Variants in LOXL2 observed in about 807,000 individuals in gnomAD.
LOXL2 encodes the protein lysyl oxidase homolog 2.
In LOXL2, 70 loss-of-function variants were observed where a neutral mutation model predicts 93.0. The ratio of observed to expected loss-of-function variants is 0.75; its 90% CI spans 0.62 to 0.92. The LOEUF is 0.92. Ranked by LOEUF, LOXL2 falls within the 40% of genes least tolerant of loss-of-function variation. The pLI is 0.00. For missense variants in LOXL2, 973 were observed against 1,054.9 expected (o/e 0.92, Z 1.08); for synonymous variants, 438 against 413.2 (o/e 1.06, Z -0.73).
intron 1 of LOXL2, among the ~76,000 whole-genome samples, chr8:23,403,175 C>T (rs1461613949): frequency 6.6e-6 from 1 of 152,094 alleles, no homozygotes; most frequent in Non-Finnish European, 1.5e-5. Context: ...GTTGTAGGCA[C>T]TTCAGACCAC....
chr8:23,375,154 T>C (rs954328742), intron 1 of LOXL2, among the ~76,000 whole-genome samples: 1 of 152,184 alleles, frequency 6.6e-6, no homozygotes, highest in African/African-American at 2.4e-5. Flanking sequence ...AGTTTCAGCT[T>C]TCTACATATG....
chr8:23,362,997 C>T (rs1804327652), intron 2 of LOXL2: 1 of 152,148 alleles, frequency 6.6e-6, no homozygotes, highest in African/African-American at 2.4e-5. Context: ...TCGACTACCT[C>T]ACCACACCTG....
At chr8:23,399,065 G>A (rs1800127441) in intron 1 of LOXL2, among the ~76,000 whole-genome samples, 1 of 152,192 alleles carries the variant, frequency 6.6e-6, no homozygotes, top group Non-Finnish European at 1.5e-5. Flanking sequence ...GCTGTGTGTT[G>A]CTCTGGTTGC....
intron 12 of LOXL2, among the ~76,000 whole-genome samples, chr8:23,300,058 G>A (rs1219774667): frequency 6.6e-6 from 1 of 152,350 alleles, no homozygotes; most frequent in Non-Finnish European, 1.5e-5. Context: ...CCTCGTTCCT[G>A]GCCCACACAT....
At chr8:23,312,068 C>G (rs577476161) in intron 9 of LOXL2, among the ~76,000 whole-genome samples, 3 of 152,174 alleles carry the variant, frequency 2.0e-5, no homozygotes, top group Admixed American at 6.5e-5. Context: ...ATAAATTCCT[C>G]GACACATACA....
intron 1 of LOXL2, among the ~76,000 whole-genome samples, chr8:23,399,591 C>T (rs999148719): frequency 6.6e-6 from 1 of 152,202 alleles, no homozygotes; most frequent in Admixed American, 6.5e-5. Flanking sequence ...ACTGCCAAGT[C>T]CCCACCAGCA....
At chr8:23,303,812 G>T (rs563909127) in intron 10 of LOXL2, among the ~76,000 whole-genome samples, 1 of 152,186 alleles carries the variant, frequency 6.6e-6, no homozygotes, top group Non-Finnish European at 1.5e-5. Flanking sequence ...AAAAAACTCC[G>T]CATTTTGACG....
chr8:23,399,734 A>T (rs1800134105), intron 1 of LOXL2, among the ~76,000 whole-genome samples: 1 of 152,206 alleles, frequency 6.6e-6, no homozygotes, highest in Non-Finnish European at 1.5e-5. Context: ...AAATGGACTA[A>T]AACACCTCCT....
intron 3 of LOXL2, among the ~76,000 whole-genome samples, chr8:23,341,938 G>A (rs1563196070): frequency 6.6e-6 from 1 of 152,324 alleles, no homozygotes; most frequent in Non-Finnish European, 1.5e-5. Flanking sequence ...AGCAAGGAAA[G>A]GAGACACTTT....
At chr8:23,380,187 G>A (rs1804660371) in intron 1 of LOXL2, among the ~76,000 whole-genome samples, 1 of 152,144 alleles carries the variant, frequency 6.6e-6, no homozygotes, top group Non-Finnish European at 1.5e-5. Context: ...GAGGTCAAGA[G>A]ATCGAGACCA....
At chr8:23,340,931 TTTAACTCTTTTAGGCAG>T in intron 4 of LOXL2, 44 bp downstream of exon 4, 1 of 1,462,184 alleles carries the variant, frequency 6.8e-7, no homozygotes, top group Non-Finnish European at 9.6e-7. Context: ...GGCGGACACT[TTTAACTCTTTTAGGCAG>T]GGCGGATACC....
At chr8:23,384,263 G>A (rs992045661) in intron 1 of LOXL2, among the ~76,000 whole-genome samples, 4 of 152,304 alleles carry the variant, frequency 2.6e-5, no homozygotes, top group South Asian at 2.1e-4. Context: ...TGATCCCAGC[G>A]AAGCACAGCT....
At chr8:23,354,353 CTACGACCAGG>C (rs1343780296) in intron 3 of LOXL2, among the ~76,000 whole-genome samples, 1 of 152,176 alleles carries the variant, frequency 6.6e-6, no homozygotes. Context: ...GCCCAGTGGT[CTACGACCAGG>C]GTCACAAGAC....
intron 4 of LOXL2, among the ~76,000 whole-genome samples, chr8:23,339,367 T>C (rs1315438660): frequency 6.6e-6 from 1 of 152,126 alleles, no homozygotes; most frequent in African/African-American, 2.4e-5. Flanking sequence ...TTGGAAGCCT[T>C]ATCCTCCCCG....
intron 2 of LOXL2, among the ~76,000 whole-genome samples, chr8:23,360,986 C>T (rs1347591724): frequency 6.6e-6 from 1 of 151,900 alleles, no homozygotes; most frequent in South Asian, 2.1e-4. Flanking sequence ...CTTCAACCTC[C>T]GCCTCCCAGG....
chr8:23,307,688 A>G (rs1803251247), intron 10 of LOXL2, among the ~76,000 whole-genome samples: 1 of 152,150 alleles, frequency 6.6e-6, no homozygotes, highest in African/African-American at 2.4e-5. Context: ...CCCGCCGCCC[A>G]GGGCTTCCAC....
intron 3 of LOXL2, among the ~76,000 whole-genome samples, chr8:23,358,816 C>T (rs1001425650): frequency 2.7e-5 from 4 of 150,402 alleles, no homozygotes; most frequent in African/African-American, 7.3e-5. Flanking sequence ...TTTGAGTCAG[C>T]GGGTCAGTGG....
chr8:23,358,311 T>C (rs956569909), intron 3 of LOXL2, among the ~76,000 whole-genome samples: 9 of 152,332 alleles, frequency 5.9e-5, no homozygotes, highest in African/African-American at 1.9e-4. Context: ...GGAAATCCTT[T>C]CCTATGCTAT....
At chr8:23,397,098 G>A (rs1233208923) in intron 1 of LOXL2, among the ~76,000 whole-genome samples, 1 of 152,220 alleles carries the variant, frequency 6.6e-6, no homozygotes, top group Non-Finnish European at 1.5e-5. Context: ...AAATGAGCCA[G>A]ACACGAAAAG....
Sources: gnomAD v4.1 joint callset for allele counts (sites outside exome capture counted in the v4.1 genomes callset) on GRCh38, gnomAD v4.1.1 for gene constraint, MANE v1.5 for transcripts, NCBI Gene and HGNC (gene_info 2026-07-23, HGNC 2026-07-21) for gene names.